The following CDH13 variants were observed in gnomAD, a reference collection of about 807,000 sequenced individuals.
The protein encoded by CDH13 is cadherin-13.
CDH13 carries 24 observed loss-of-function variants against 63.8 expected under a neutral mutation model. The observed-to-expected ratio is 0.38, with a 90% CI of 0.27 to 0.53. The LOEUF (loss-of-function observed/expected upper bound fraction) is 0.53, where lower values mean the gene tolerates loss of function less well. Among genes scored for constraint, CDH13 ranks in the 20% least tolerant of loss-of-function variants. The pLI is 0.85. For synonymous variants in CDH13, 503 were observed against 355.3 expected (o/e 1.42, Z -4.67); for missense variants, 1,049 against 903.1 (o/e 1.16, Z -2.07).
At chr16:83,563,671 G>A (rs922359913) in intron 7 of CDH13, among the ~76,000 whole-genome samples, 1 of 152,148 alleles carries the variant, frequency 6.6e-6, no homozygotes, top group Non-Finnish European at 1.5e-5. Context: ...GGGCGTGTGT[G>A]TATGTGTGTG....
chr16:83,133,964 T>G (rs2036165561), intron 4 of CDH13, among the ~76,000 whole-genome samples: 2 of 152,250 alleles, frequency 1.3e-5, no homozygotes, highest in African/African-American at 2.4e-5. Flanking sequence ...AAATATTCTC[T>G]GAATTGAATT....
At chr16:83,495,663 C>T (rs1215340145) in intron 7 of CDH13, among the ~76,000 whole-genome samples, 1 of 152,118 alleles carries the variant, frequency 6.6e-6, no homozygotes, top group Admixed American at 6.6e-5. Flanking sequence ...TTTTTATTTC[C>T]TTCCTTATCT....
Position 83,242,658 on chromosome 16 carries a change from A to G in CDH13, c.636+25161A>G, listed in dbSNP as rs1435544337. On this transcript the variant is annotated intron_variant, in intron 5 of 13. Transcript: ENST00000567109. ...AGAAGATCCTCATAGAAGAGGCAAA[A>G]TTCTCTGTCTTAGGGACAATGGCAA... 8.5e-5 allele frequency among the ~76,000 whole-genome samples: 13 copies of G among 152,312 alleles called. No individual in the cohort carries two copies. The South Asian group carries it at 1.9e-3, about 22-fold the overall frequency.
At chr16:82,671,671 T>C (rs1913259476) in intron 1 of CDH13, among the ~76,000 whole-genome samples, 1 of 152,196 alleles carries the variant, frequency 6.6e-6, no homozygotes, top group Admixed American at 6.5e-5. Flanking sequence ...AATGCTGATC[T>C]TCGTGAATCC....
intron 8 of CDH13, among the ~76,000 whole-genome samples, chr16:83,625,633 T>G (rs1910226243): frequency 6.6e-6 from 1 of 152,196 alleles, no homozygotes; most frequent in Admixed American, 6.5e-5. Context: ...CTCCCTCTTT[T>G]GGCTTCGAAA....
rs556242453 is a variant in CDH13 at position 83,126,288 on chromosome 16, C to T, written c.483+787C>T. 5.3e-5 allele frequency among the ~76,000 whole-genome samples: 8 copies of T among 152,278 alleles called. No individual in the cohort carries two copies. In the South Asian group the frequency reaches 6.2e-4, roughly 12 times the overall value. On this transcript the variant is annotated intron_variant, in intron 4 of 13. Coordinates refer to ENST00000567109, the MANE Select transcript of CDH13 (RefSeq NM_001257.5). The stretch of plus-strand genomic sequence containing the variant: ...AGAGGGAAGGGGTTTTTATCCCTCA[C>T]GTGGTTAGTCCCTGCTTCTGTGTCC...
chr16:83,346,382 C>G (rs893613012), intron 6 of CDH13, among the ~76,000 whole-genome samples: 5 of 152,108 alleles, frequency 3.3e-5, no homozygotes, highest in Non-Finnish European at 7.4e-5. Flanking sequence ...TCTTCTTAAA[C>G]GAGCTGATGT....
At chr16:83,228,607 CAG>C (rs956643179) in intron 5 of CDH13, among the ~76,000 whole-genome samples, 17 of 152,308 alleles carry the variant, frequency 1.1e-4, no homozygotes, top group African/African-American at 4.1e-4. Flanking sequence ...TGACAGGAGA[CAG>C]AGACGCGGAC....
intron 3 of CDH13, among the ~76,000 whole-genome samples, chr16:83,035,696 G>T (rs1295423697): frequency 6.6e-6 from 1 of 152,150 alleles, no homozygotes; most frequent in Non-Finnish European, 1.5e-5. Context: ...GGGTCTACGA[G>T]GGAAATGTTG....
intron 4 of CDH13, among the ~76,000 whole-genome samples, chr16:83,172,191 A>G (rs2037948193): frequency 6.6e-6 from 1 of 152,110 alleles, no homozygotes; most frequent in Non-Finnish European, 1.5e-5. Context: ...AGAACTCCAC[A>G]TGAAAATAAA....
At chr16:83,229,749 TG>T (rs1370041959) in intron 5 of CDH13, among the ~76,000 whole-genome samples, 1 of 152,170 alleles carries the variant, frequency 6.6e-6, no homozygotes, top group Non-Finnish European at 1.5e-5. Context: ...TCTGGAATCA[TG>T]TTGGAAAGCC....
chr16:83,388,280 C>G lies in CDH13; in HGVS notation c.781+43274C>G, dbSNP rs2091716083. ...TGGGCAACATGGAATAACCCTCTCT[C>G]TGGAAAAAAAAAAAAAAAAAAATGT... On this transcript the variant is annotated intron_variant, in intron 6 of 13. Transcript: ENST00000567109. Among the ~76,000 whole-genome samples the G allele has an allele frequency of 3.5e-5, 5 of 141,630 alleles. No individual in the cohort carries two copies. In the South Asian group the frequency reaches 1.1e-3, roughly 32 times the overall value. The allele number at this position is 141,630 out of a possible 152,430, so 92.9% of individuals were successfully genotyped here. A position where few individuals can be genotyped will look rare whatever the true frequency, so the allele number is the denominator to read the frequency against.
At chr16:83,725,069 C>G (rs755323103) in intron 10 of CDH13, among the ~76,000 whole-genome samples, 1 of 152,072 alleles carries the variant, frequency 6.6e-6, no homozygotes, top group African/African-American at 2.4e-5. Flanking sequence ...ATAAACAGAC[C>G]CTTTTAGTAT....
intron 10 of CDH13, among the ~76,000 whole-genome samples, chr16:83,747,408 C>T (rs373608787): frequency 1.5e-4 from 23 of 152,154 alleles, no homozygotes; most frequent in African/African-American, 3.9e-4. Context: ...TCTGCCACCA[C>T]GTAAGACATG....
At chr16:83,185,546 C>T (rs1365922857) in intron 4 of CDH13, among the ~76,000 whole-genome samples, 2 of 152,104 alleles carry the variant, frequency 1.3e-5, no homozygotes, top group African/African-American at 2.4e-5. Context: ...AATTTCTCAC[C>T]ACGGTAAGTC....
chr16:83,755,531 CA>C, intron 11 of CDH13, among the ~76,000 whole-genome samples: 1 of 152,162 alleles, frequency 6.6e-6, no homozygotes, highest in African/African-American at 2.4e-5. Flanking sequence ...AAAACAATAT[CA>C]AAGAGAAAAT....
At chr16:83,253,786 T>C (rs1221357727) in intron 5 of CDH13, among the ~76,000 whole-genome samples, 1 of 152,272 alleles carries the variant, frequency 6.6e-6, no homozygotes. Flanking sequence ...TTTGTCATTA[T>C]GTACACACAG....
Position 82,857,044 on chromosome 16 carries a change from C to G in CDH13, c.46-1318C>G, listed in dbSNP as rs1442734120. 2.0e-5 allele frequency among the ~76,000 whole-genome samples: 3 copies of G among 152,136 alleles called. No homozygotes were observed. The East Asian group carries it at 5.8e-4, about 29-fold the overall frequency. On this transcript the variant is annotated intron_variant, in intron 1 of 13. Coordinates refer to ENST00000567109, the MANE Select transcript of CDH13 (RefSeq NM_001257.5). ...CCTTCCACAAGTTTTAGAGACATAT[C>G]TCGTACAAAGAAGAAAAAATGCAAA... is the stretch of plus-strand genomic sequence containing the variant.
chr16:83,091,511 A>G (rs2033911062), intron 3 of CDH13, among the ~76,000 whole-genome samples: 1 of 152,194 alleles, frequency 6.6e-6, no homozygotes. Flanking sequence ...AGTTCCTTAC[A>G]ACTGCCTTCA....
Sources: allele counts gnomAD v4.1 joint callset (sites outside exome capture counted in the v4.1 genomes callset), GRCh38; gene constraint gnomAD v4.1.1; transcripts MANE v1.5; gene names NCBI Gene and HGNC (gene_info 2026-07-23, HGNC 2026-07-21).